SH2B1: variants seen among roughly 807,000 people sequenced by gnomAD.
SH2B1 encodes the protein SH2B adaptor protein 1.
SH2B1 carries 15 observed loss-of-function variants against 62.6 expected under a neutral mutation model. The ratio of observed to expected loss-of-function variants is 0.24; its 90% CI spans 0.16 to 0.37. The LOEUF is 0.37. Among genes scored for constraint, SH2B1 ranks in the 10% least tolerant of loss-of-function variants. SH2B1 has a pLI of 1.00. For missense variants in SH2B1, 925 were observed against 1,015.6 expected (o/e 0.91, Z 1.21); for synonymous variants, 443 against 438.0 (o/e 1.01, Z -0.14).
At chr16:28,855,662 CAG>C (rs1962305725) in intron 1 of SH2B1, among the ~76,000 whole-genome samples, 1 of 124,272 alleles carries the variant, frequency 8.0e-6, no homozygotes. Flanking sequence ...TTTTTTGAGA[CAG>C]AGTCTTGTTC....
chr16:28,873,226 G>T lies in SH2B1; in HGVS notation c.1898-221G>T. On this transcript the variant is annotated intron_variant, in intron 7 of 7. Coordinates refer to ENST00000684370, the MANE Select transcript of SH2B1 (RefSeq NM_001387430.1). This position sits in a 1 kb window ranked among gnomAD's most constrained non-coding sequence, Gnocchi z 4.2. ...GTGCGAGGGAGATGGATGCCACCCCGATGCCTCCTGCACCCTCATGCCCTT... is the reference window on the plus strand; with the variant it reads ...GTGCGAGGGAGATGGATGCCACCCCTATGCCTCCTGCACCCTCATGCCCTT... 1 of 1,605,228 alleles carries T rather than the reference G, an allele frequency of 6.2e-7. No homozygotes were observed.
chr16:28,872,630 C>G lies in SH2B1; in HGVS notation c.1822C>G (p.Pro608Ala), dbSNP rs748572317. 2 of 1,614,176 alleles carry G rather than the reference C, an allele frequency of 1.2e-6. No homozygotes were observed. Among genetic ancestry groups the G allele is most frequent in the Non-Finnish European group, 8.5e-7 (1 of 1,180,014 alleles). Residue 608 changes from proline to alanine, a missense_variant, in exon 7 of 8, where the codon CCC (proline) becomes GCC (alanine). Physicochemically the swap from Pro to Ala is conservative, Grantham distance 27 (BLOSUM62 -1). Coordinates refer to ENST00000684370, the MANE Select transcript of SH2B1 (RefSeq NM_001387430.1). The surrounding 1 kb of genome is among the most constrained non-coding windows in gnomAD (Gnocchi z 5.3). ...TATGCTCGAGCACTTCCGGGTGCAC[C>G]CCATCCCTTTGGAGTCGGGAGGCTC... ...FDMLEHFRVH[P>A]IPLESGGSSD...
chr16:28,861,265 T>G (rs932132100), upstream of SH2B1, among the ~76,000 whole-genome samples: 1 of 152,180 alleles, frequency 6.6e-6, no homozygotes, highest in Admixed American at 6.6e-5. Context: ...CCTGAGTAGC[T>G]GAGATTACAG....
At chr16:28,855,071 A>C (rs1962289185) in intron 1 of SH2B1, among the ~76,000 whole-genome samples, 1 of 151,906 alleles carries the variant, frequency 6.6e-6, no homozygotes. Context: ...ACAGGGTATC[A>C]CCATGTTGGC....
rs1963074141 is a variant in SH2B1 at position 28,872,060 on chromosome 16, G to T, written c.1513+77G>T. 4.5e-6 allele frequency: 6 copies of T among 1,345,766 alleles called. No homozygotes were observed. In the Admixed American group the frequency reaches 8.9e-5, roughly 20 times the overall value. The allele number at this position is 1,345,766 out of a possible 1,614,324, so 83.4% of individuals were successfully genotyped here. A position where few individuals can be genotyped will look rare whatever the true frequency, so the allele number is the denominator to read the frequency against. On this transcript the variant is annotated intron_variant, in intron 5 of 7. Transcript: ENST00000684370. The surrounding 1 kb of genome is among the most constrained non-coding windows in gnomAD (Gnocchi z 5.3). ...GACCACCTCTCCTGGGATCCCGAGG[G>T]AGCTGGCCCAGGGGAGTTGGGGACG...
intron 1 of SH2B1, 55 bp from the exon 2 acceptor site, chr16:28,867,276 G>T: frequency 7.1e-7 from 1 of 1,411,822 alleles, no homozygotes. Flanking sequence ...GGAGGGAGGG[G>T]AAGAGTGGTC....
intron 1 of SH2B1, among the ~76,000 whole-genome samples, chr16:28,852,463 T>C (rs1360048042): frequency 1.2e-5 from 1 of 82,730 alleles, no homozygotes; most frequent in Non-Finnish European, 2.1e-5. Flanking sequence ...TATATATTTA[T>C]ATATATACAT....
rs1473652077 is a variant in SH2B1, at chr16:28,852,364, T to A, written c.-301+5537T>A. Among the ~76,000 whole-genome samples the A allele has an allele frequency of 1.2e-4, 10 of 83,664 alleles. 2 individuals are homozygous for A. Among genetic ancestry groups the A allele is most frequent in the African/African-American group, 1.8e-4 (3 of 16,610 alleles). 54.9% of individuals were successfully genotyped at this position (83,664 alleles called of 152,430 possible). On this transcript the variant is annotated intron_variant, in intron 1 of 10. Coordinates refer to the SH2B1 transcript ENST00000322610. Reference sequence around the variant, plus strand: ...TTTACATATATATTTATATATATATTTATATATATTTACATATATTTATAT... The same window carrying A: ...TTTACATATATATTTATATATATATATATATATATTTACATATATTTATAT...
chr16:28,854,779 A>G (rs981197335), intron 1 of SH2B1, among the ~76,000 whole-genome samples: 1 of 152,164 alleles, frequency 6.6e-6, no homozygotes, highest in Admixed American at 6.5e-5. Flanking sequence ...CAATAATAAT[A>G]AAATTCTCCG....
At position 28,865,692 on chromosome 16, in the gene SH2B1, G is replaced by A. The variant is rs367955139; in HGVS notation, c.-403G>A. On this transcript the variant is annotated 5_prime_UTR_variant, in exon 1 of 8. Transcript: ENST00000684370. ...GTGTGACATGAATATTGGAGGATCC[G>A]ATGTAGAGGGGGGGTGATCTGGAAA... 1.1e-5 allele frequency: 11 copies of A among 1,007,648 alleles called. No homozygotes were observed. The highest frequency in any genetic ancestry group is 9.1e-5 in the South Asian group (2 of 21,924). 62.4% of individuals were successfully genotyped at this position (1,007,648 alleles called of 1,614,324 possible).
chr16:28,869,744 G>T (rs1261821833), intron 4 of SH2B1, among the ~76,000 whole-genome samples: 1 of 152,130 alleles, frequency 6.6e-6, no homozygotes, highest in Non-Finnish European at 1.5e-5. Context: ...CTGCATCTCT[G>T]TGTCTGTCAG....
chr16:28,850,962 C>T (rs1178993057), intron 1 of SH2B1, among the ~76,000 whole-genome samples: 2 of 151,368 alleles, frequency 1.3e-5, no homozygotes, highest in African/African-American at 4.9e-5. Flanking sequence ...GTCACGAGGT[C>T]AAGAGATTGA....
At position 28,873,312 on chromosome 16, in the gene SH2B1, C is replaced by T. The variant is rs1030988854; in HGVS notation, c.1898-135C>T. On this transcript the variant is annotated intron_variant, in intron 7 of 7. Transcript: ENST00000684370. This position sits in a 1 kb window ranked among gnomAD's most constrained non-coding sequence, Gnocchi z 4.2. ...CTCACCACCGCCCATGATCCATCTT[C>T]CATGGATGGGGGGTTGCTCAGGAGA... The T allele has an allele frequency of 6.3e-7, 1 of 1,585,134 alleles. No homozygotes were observed. Among genetic ancestry groups the T allele is most frequent in the East Asian group, 2.2e-5 (1 of 44,662 alleles).
rs1455112279 is a variant in SH2B1, at chr16:28,852,757, T to C, written c.-301+5930T>C. On this transcript the variant is annotated intron_variant, in intron 1 of 10. Transcript: ENST00000322610. ...ATACATATATATATTTACATATATA[T>C]GTATATATATATTTATATATATATT... Among the ~76,000 whole-genome samples the C allele has an allele frequency of 3.6e-4, 12 of 33,186 alleles. 2 individuals carry two copies. Among genetic ancestry groups the C allele is most frequent in the South Asian group, 2.2e-3 (1 of 448 alleles). 21.8% of individuals were successfully genotyped at this position (33,186 alleles called of 152,430 possible).
chr16:28,849,236 C>A (rs1457291644), intron 1 of SH2B1, among the ~76,000 whole-genome samples: 1 of 152,164 alleles, frequency 6.6e-6, no homozygotes, highest in Non-Finnish European at 1.5e-5. Flanking sequence ...GCTGGGATTA[C>A]AAGCATACAC....
At chr16:28,851,345 T>C (rs939555496) in intron 1 of SH2B1, among the ~76,000 whole-genome samples, 1 of 152,012 alleles carries the variant, frequency 6.6e-6, no homozygotes, top group African/African-American at 2.4e-5. Flanking sequence ...CCCCACGTTT[T>C]ACTATGTCCT....
chr16:28,872,818 T>C lies in SH2B1; in HGVS notation c.1897+113T>C, dbSNP rs1187856855. ...GACTATCACAAGGAGAAGCTTTGCT[T>C]GGGAGAGCAGGGTAGAGGAGGCTGT... On this transcript the variant is annotated intron_variant, in intron 7 of 7. Transcript: ENST00000684370. The surrounding 1 kb of genome is among the most constrained non-coding windows in gnomAD (Gnocchi z 5.3). 5.7e-6 allele frequency: 8 copies of C among 1,398,816 alleles called. No individual in the cohort carries two copies. Among genetic ancestry groups the C allele is most frequent in the Non-Finnish European group, 7.9e-6 (8 of 1,006,596 alleles). The allele number at this position is 1,398,816 out of a possible 1,614,324, so 86.7% of individuals were successfully genotyped here. A position where few individuals can be genotyped will look rare whatever the true frequency, so the allele number is the denominator to read the frequency against.
chr16:28,852,571 CATAT>C (rs1236655332), intron 1 of SH2B1, among the ~76,000 whole-genome samples: 20 of 45,162 alleles, frequency 4.4e-4, no homozygotes, highest in Non-Finnish European at 6.3e-4. Context: ...TATATATACA[CATAT>C]ATATTTATAT....
upstream of SH2B1, among the ~76,000 whole-genome samples, chr16:28,860,968 C>G (rs1055882163): frequency 6.6e-6 from 1 of 151,970 alleles, no homozygotes; most frequent in African/African-American, 2.4e-5. Flanking sequence ...AGGCACGCGC[C>G]ACCACACGTG....
Sources: allele counts gnomAD v4.1 joint callset (sites outside exome capture counted in the v4.1 genomes callset), GRCh38; gene constraint gnomAD v4.1.1; non-coding constraint Gnocchi (gnomAD v3.1); transcripts MANE v1.5; gene names NCBI Gene and HGNC (gene_info 2026-07-23, HGNC 2026-07-21).